Variants in GALNT13 observed in about 807,000 individuals in gnomAD.
GALNT13 encodes the protein polypeptide N-acetylgalactosaminyltransferase 13.
A neutral mutation model predicts 64.2 loss-of-function variants in GALNT13; 28 were observed. The ratio of observed to expected loss-of-function variants is 0.44; its 90% CI spans 0.32 to 0.60. The LOEUF is 0.60. Ranked by LOEUF, GALNT13 falls within the 20% of genes least tolerant of loss-of-function variation. The pLI, the probability that GALNT13 is intolerant of heterozygous loss-of-function variation, is 0.05. For missense variants in GALNT13, 577 were observed against 669.8 expected (o/e 0.86, Z 1.53); for synonymous variants, 214 against 224.6 (o/e 0.95, Z 0.42).
the GALNT13 span, among the ~76,000 whole-genome samples, chr2:153,483,387 C>A: frequency 6.7e-6 from 1 of 149,782 alleles, no homozygotes; most frequent in African/African-American, 2.5e-5. Flanking sequence ...GAATATTATT[C>A]CGCCTTAAAA....
the GALNT13 span, among the ~76,000 whole-genome samples, chr2:153,096,480 A>G: frequency 1.3e-5 from 2 of 152,176 alleles, no homozygotes; most frequent in African/African-American, 4.8e-5. Context: ...GTCTCCAGGT[A>G]TTATCGAATT....
At chr2:154,389,883 CAGTT>C (rs1346889204) in intron 9 of GALNT13, among the ~76,000 whole-genome samples, 1 of 151,388 alleles carries the variant, frequency 6.6e-6, no homozygotes, top group Non-Finnish European at 1.5e-5. Context: ...CAACAGGAAG[CAGTT>C]GGTTGGTTTA....
the GALNT13 span, among the ~76,000 whole-genome samples, chr2:153,551,446 G>A: frequency 1.3e-5 from 2 of 152,136 alleles, no homozygotes; most frequent in African/African-American, 4.8e-5. Flanking sequence ...GAAGACAAAG[G>A]CAACATTAAT....
intron 9 of GALNT13, among the ~76,000 whole-genome samples, chr2:154,334,822 C>T (rs966853158): frequency 1.3e-5 from 2 of 151,942 alleles, no homozygotes; most frequent in African/African-American, 2.4e-5. Context: ...ATTCATTTTC[C>T]ACCTGTTTCC....
chr2:153,190,181 C>T, the GALNT13 span, among the ~76,000 whole-genome samples: 1 of 152,038 alleles, frequency 6.6e-6, no homozygotes, highest in East Asian at 1.9e-4. Context: ...GACCAATGTC[C>T]TATAGTGTTT....
At chr2:153,765,492 G>A in the GALNT13 span, among the ~76,000 whole-genome samples, 1 of 152,306 alleles carries the variant, frequency 6.6e-6, no homozygotes, top group East Asian at 1.9e-4. Flanking sequence ...CCCAATGCCT[G>A]TACCCCAATT....
the GALNT13 span, among the ~76,000 whole-genome samples, chr2:153,693,968 C>T: frequency 1.3e-5 from 2 of 151,952 alleles, no homozygotes; most frequent in Non-Finnish European, 2.9e-5. Flanking sequence ...ATTAGCCGGG[C>T]GTGGTGGCGG....
At chr2:153,795,469 A>T in the GALNT13 span, among the ~76,000 whole-genome samples, 1 of 151,410 alleles carries the variant, frequency 6.6e-6, no homozygotes, top group African/African-American at 2.4e-5. Flanking sequence ...CTACCTGATG[A>T]CCTCCTGGGC....
chr2:154,274,120 C>T (rs1033774055), intron 8 of GALNT13, among the ~76,000 whole-genome samples: 1 of 151,916 alleles, frequency 6.6e-6, no homozygotes, highest in African/African-American at 2.4e-5. Context: ...CATACCTAAA[C>T]CTGCAATAGA....
chr2:153,573,973 G>T, the GALNT13 span, among the ~76,000 whole-genome samples: 1 of 151,908 alleles, frequency 6.6e-6, no homozygotes, highest in African/African-American at 2.4e-5. Context: ...GCTCATTAAT[G>T]TCCTTTTCTG....
At chr2:153,700,791 C>A in the GALNT13 span, among the ~76,000 whole-genome samples, 1 of 152,058 alleles carries the variant, frequency 6.6e-6, no homozygotes, top group East Asian at 1.9e-4. Flanking sequence ...ACAAGGGACA[C>A]GAAGGACCTC....
intron 3 of GALNT13, among the ~76,000 whole-genome samples, chr2:153,974,353 A>G (rs1210750334): frequency 6.6e-6 from 1 of 152,144 alleles, no homozygotes. Flanking sequence ...TCAATCTGTC[A>G]TTACCTGAAG....
the GALNT13 span, among the ~76,000 whole-genome samples, chr2:153,222,589 C>T: frequency 2.6e-5 from 4 of 152,282 alleles, no homozygotes; most frequent in East Asian, 5.8e-4. Flanking sequence ...ATCCATGGTC[C>T]ACTGCGCCCA....
At position 154,243,034 on chromosome 2, in the gene GALNT13, C is replaced by A. The variant is rs1272062803; in HGVS notation, c.686+129C>A. The A allele has an allele frequency of 1.1e-5, 7 of 664,056 alleles. No individual in the cohort carries two copies. The East Asian group carries it at 1.9e-4, about 18-fold the overall frequency. 41.1% of individuals were successfully genotyped at this position (664,056 alleles called of 1,614,324 possible). Reference sequence around the variant, plus strand: ...TTTATTTTATAGCTTTTCTTAAAAGCACGTTTTCCCACTTGCTTGATAAAT... The same window carrying A: ...TTTATTTTATAGCTTTTCTTAAAAGAACGTTTTCCCACTTGCTTGATAAAT... On this transcript the variant is annotated intron_variant, in intron 6 of 12. Coordinates refer to ENST00000392825, the MANE Select transcript of GALNT13 (RefSeq NM_052917.4).
At chr2:153,176,224 A>T in the GALNT13 span, among the ~76,000 whole-genome samples, 4 of 152,218 alleles carry the variant, frequency 2.6e-5, no homozygotes, top group Admixed American at 6.5e-5. Flanking sequence ...AGTGCTACCC[A>T]GCCCCAACAC....
the GALNT13 span, among the ~76,000 whole-genome samples, chr2:153,161,204 C>T: frequency 6.6e-6 from 1 of 152,174 alleles, no homozygotes; most frequent in Admixed American, 6.5e-5. Context: ...AAGGCTGTGC[C>T]TCCTTGACCT....
chr2:154,115,443 T>C (rs1261651851), intron 3 of GALNT13, among the ~76,000 whole-genome samples: 10 of 151,996 alleles, frequency 6.6e-5, no homozygotes, highest in African/African-American at 2.4e-4. Context: ...TTTTTTGAGA[T>C]AGAGTCTCCC....
chr2:153,172,551 G>A, the GALNT13 span, among the ~76,000 whole-genome samples: 635 of 152,184 alleles, frequency 4.2e-3, 10 homozygotes, highest in African/African-American at 0.015. Flanking sequence ...CCTGACCAAG[G>A]TGGAGGAGAA....
At chr2:153,364,692 C>T in the GALNT13 span, among the ~76,000 whole-genome samples, 1 of 152,022 alleles carries the variant, frequency 6.6e-6, no homozygotes, top group Admixed American at 6.6e-5. Context: ...CATGAAGGAC[C>T]TCTTCAAAGA....
Sources: allele counts gnomAD v4.1 joint callset (sites outside exome capture counted in the v4.1 genomes callset), GRCh38; gene constraint gnomAD v4.1.1; transcripts MANE v1.5; gene names NCBI Gene and HGNC (gene_info 2026-07-23, HGNC 2026-07-21).